Variants in MARCHF11 observed in about 807,000 individuals in gnomAD.
The protein encoded by MARCHF11 is membrane associated ring-CH-type finger 11, also known as E3 ubiquitin-protein ligase MARCHF11.
MARCHF11 carries 29 observed loss-of-function variants against 37.3 expected under a neutral mutation model. That is an observed-to-expected ratio of 0.78 (90% CI 0.58 to 1.06). The LOEUF (loss-of-function observed/expected upper bound fraction) is 1.06. Among genes scored for constraint, MARCHF11 ranks in the 50% least tolerant of loss-of-function variants. MARCHF11 has a pLI of 0.00. For missense variants in MARCHF11, 482 were observed against 533.4 expected (o/e 0.90, Z 0.95); for synonymous variants, 233 against 228.0 (o/e 1.02, Z -0.20).
At chr5:16,177,923 C>T in intron 1 of MARCHF11, 42 bp from the exon 2 acceptor site, 1 of 1,540,946 alleles carries the variant, frequency 6.5e-7, no homozygotes, top group Non-Finnish European at 8.8e-7. Flanking sequence ...GTGTCTGTGT[C>T]TCTATTTTAA....
intron 2 of MARCHF11, among the ~76,000 whole-genome samples, chr5:16,176,563 G>A (rs1738368942): frequency 6.6e-6 from 1 of 152,148 alleles, no homozygotes; most frequent in African/African-American, 2.4e-5. Context: ...AGGTCAGCTT[G>A]AGAAATACAT....
intron 3 of MARCHF11, among the ~76,000 whole-genome samples, chr5:16,069,452 A>G (rs1309149661): frequency 2.6e-5 from 4 of 152,128 alleles, no homozygotes; most frequent in Admixed American, 6.5e-5. Context: ...GGTGGTGGAG[A>G]TATTAATGCT....
chr5:16,164,502 C>T (rs1738138247), intron 2 of MARCHF11, among the ~76,000 whole-genome samples: 1 of 151,814 alleles, frequency 6.6e-6, no homozygotes, highest in Admixed American at 6.6e-5. Flanking sequence ...ACACTTTGGC[C>T]CATATGTGTT....
At chr5:16,132,670 A>G (rs943901394) in intron 2 of MARCHF11, among the ~76,000 whole-genome samples, 1 of 152,184 alleles carries the variant, frequency 6.6e-6, no homozygotes, top group Non-Finnish European at 1.5e-5. Context: ...AGAGTAAGAG[A>G]GCTAATGTTT....
intron 2 of MARCHF11, among the ~76,000 whole-genome samples, chr5:16,101,471 T>A (rs1736957125): frequency 6.6e-6 from 1 of 152,246 alleles, no homozygotes; most frequent in South Asian, 2.1e-4. Flanking sequence ...AGGTGCTAGC[T>A]ATTATTTAAA....
intron 3 of MARCHF11, among the ~76,000 whole-genome samples, chr5:16,080,909 A>T (rs1736598144): frequency 6.6e-6 from 1 of 152,040 alleles, no homozygotes; most frequent in Non-Finnish European, 1.5e-5. Context: ...CTTCCTGAGC[A>T]TTCAGTTTGG....
chr5:16,127,027 G>A (rs1015624739), intron 2 of MARCHF11, among the ~76,000 whole-genome samples: 16 of 152,182 alleles, frequency 1.1e-4, no homozygotes, highest in East Asian at 1.9e-4. Flanking sequence ...CCAGTGGCTC[G>A]TCCAAATAAT....
chr5:16,101,800 G>A (rs1462235701), intron 2 of MARCHF11, among the ~76,000 whole-genome samples: 1 of 152,196 alleles, frequency 6.6e-6, no homozygotes, highest in African/African-American at 2.4e-5. Flanking sequence ...AATTTTCATT[G>A]AAAGCAATGA....
chr5:16,158,570 T>G (rs1326196106), intron 2 of MARCHF11, among the ~76,000 whole-genome samples: 2 of 151,918 alleles, frequency 1.3e-5, no homozygotes, highest in Non-Finnish European at 1.5e-5. Flanking sequence ...GGTAGAATGG[T>G]GGTTACCAAG....
chr5:16,075,812 G>T (rs1736506828), intron 3 of MARCHF11, among the ~76,000 whole-genome samples: 1 of 152,228 alleles, frequency 6.6e-6, no homozygotes, highest in Non-Finnish European at 1.5e-5. Context: ...TCACGAGTGG[G>T]TTTTGGTCTT....
intron 2 of MARCHF11, among the ~76,000 whole-genome samples, chr5:16,173,916 T>G (rs774436176): frequency 2.6e-5 from 4 of 152,230 alleles, no homozygotes; most frequent in African/African-American, 9.6e-5. Flanking sequence ...TCAATGGAGA[T>G]GCAAAGAGTT....
rs185118436 is a variant in MARCHF11 at position 16,161,227 on chromosome 5, C to T, written c.693+16499G>A. ...AGGTTTTAAACTTTTAACAGATGAT[C>T]TAAATTAGTCCACTATGAAAGCAAT... On this transcript the variant is annotated intron_variant, in intron 2 of 3. Transcript: ENST00000332432. 3.3e-3 allele frequency among the ~76,000 whole-genome samples: 416 copies of T among 127,378 alleles called. 1 individual carries two copies. The highest frequency in any genetic ancestry group is 4.5e-3 in the Admixed American group (46 of 10,286). 83.6% of individuals were successfully genotyped at this position (127,378 alleles called of 152,430 possible).
rs1212302559 is a variant in MARCHF11 at position 16,179,337 on chromosome 5, T to A, written c.239A>T (p.Asp80Val). 1.6e-5 allele frequency: 19 copies of A among 1,222,896 alleles called. No individual in the cohort carries two copies. Among genetic ancestry groups the A allele is most frequent in the Non-Finnish European group, 1.8e-5 (18 of 982,448 alleles). The allele number at this position is 1,222,896 out of a possible 1,614,324, so 75.8% of individuals were successfully genotyped here. Residue 80 changes from aspartate to valine, a missense_variant, in exon 1 of 4, where the codon GAC becomes GTC. By Grantham distance (152) the Asp-to-Val change is radical. Coordinates refer to ENST00000332432, the MANE Select transcript of MARCHF11 (RefSeq NM_001102562.3). ...GEVAPRCRGA[D>V]ELPPPPLPLQ... is the part of the protein sequence containing the mutation. ...GGGCAGGGGCGGAGGCGGCAGCTCG[T>A]CCGCTCCCCTGCACCGCGGGGCCAC...
intron 3 of MARCHF11, among the ~76,000 whole-genome samples, chr5:16,076,708 G>A (rs1003651680): frequency 2.0e-5 from 3 of 152,194 alleles, no homozygotes; most frequent in Admixed American, 2.0e-4. Context: ...TAAGGACTCT[G>A]AGACCCAGAG....
chr5:16,089,564 T>G (rs923047514), intron 3 of MARCHF11, among the ~76,000 whole-genome samples: 5 of 150,924 alleles, frequency 3.3e-5, no homozygotes, highest in Non-Finnish European at 7.4e-5. Flanking sequence ...TTCTTTCCTA[T>G]TAGACTTGTA....
At chr5:16,136,639 T>C (rs961753979) in intron 2 of MARCHF11, among the ~76,000 whole-genome samples, 12 of 152,160 alleles carry the variant, frequency 7.9e-5, no homozygotes, top group African/African-American at 2.9e-4. Flanking sequence ...TAACAAAACT[T>C]GGAGGTACAC....
chr5:16,131,090 G>A (rs974507141), intron 2 of MARCHF11, among the ~76,000 whole-genome samples: 18 of 152,178 alleles, frequency 1.2e-4, no homozygotes, highest in Non-Finnish European at 2.6e-4. Flanking sequence ...GAAGGGAAAG[G>A]TAAATTAACA....
intron 2 of MARCHF11, among the ~76,000 whole-genome samples, chr5:16,115,040 C>T (rs564718167): frequency 3.9e-4 from 59 of 151,318 alleles, no homozygotes; most frequent in Non-Finnish European, 7.4e-4. Context: ...CATCTTTTTG[C>T]GGTAAAAAAA....
intron 3 of MARCHF11, among the ~76,000 whole-genome samples, chr5:16,082,496 G>A (rs1441208087): frequency 6.6e-6 from 1 of 152,166 alleles, no homozygotes; most frequent in African/African-American, 2.4e-5. Context: ...GAAATTTGAA[G>A]GGAAACTCAC....
Sources: gnomAD v4.1 joint callset for allele counts (sites outside exome capture counted in the v4.1 genomes callset) on GRCh38, gnomAD v4.1.1 for gene constraint, MANE v1.5 for transcripts, NCBI Gene and HGNC (gene_info 2026-07-23, HGNC 2026-07-21) for gene names.